Variants in PTAR1 observed in about 807,000 individuals in gnomAD.
PTAR1 encodes the protein protein prenyltransferase alpha subunit repeat-containing protein 1.
A neutral mutation model predicts 45.5 loss-of-function variants in PTAR1; 17 were observed. The ratio of observed to expected loss-of-function variants is 0.37; its 90% confidence interval spans 0.26 to 0.56. PTAR1 has a LOEUF of 0.56. Among genes scored for constraint, PTAR1 ranks in the 20% least tolerant of loss-of-function variants. The pLI is 0.77. For synonymous variants in PTAR1, 169 were observed against 171.3 expected, an observed-to-expected ratio of 0.99 and a Z score of 0.11; for missense variants, 391 against 476.3, an observed-to-expected ratio of 0.82 and a Z score of 1.67.
In PTAR1 at chr9:69,717,249, A is replaced by C. The variant is rs1438642685; in HGVS notation, c.*1093T>G. 1 of 152,212 alleles carries C rather than the reference A, an allele frequency of 6.6e-6. No homozygotes were observed. Among genetic ancestry groups the C allele is most frequent in the Non-Finnish European group, 1.5e-5 (1 of 68,038 alleles). The allele number at this position is 152,212 out of a possible 1,614,324, so 9.4% of individuals were successfully genotyped here. A position where few individuals can be genotyped will look rare whatever the true frequency, so the allele number is the denominator to read the frequency against. Reference sequence around the variant, plus strand: ...ATCCTCAATAATTTAGATTTTTAAAAAGGAATATTTTTATGGATCTATTTC... The same window carrying C: ...ATCCTCAATAATTTAGATTTTTAAACAGGAATATTTTTATGGATCTATTTC... On this transcript the variant is annotated 3_prime_UTR_variant, in exon 8 of 8. Coordinates refer to ENST00000340434, the MANE Select transcript of PTAR1 (RefSeq NM_001099666.2).
At chr9:69,722,374 G>A (rs963261017) in intron 6 of PTAR1, among the ~76,000 whole-genome samples, 56 of 152,258 alleles carry the variant, frequency 3.7e-4, no homozygotes, top group African/African-American at 1.3e-3. Flanking sequence ...GGTCACATAT[G>A]TGACTTCAGT....
In PTAR1 at chr9:69,735,277, T is replaced by C. The variant is rs146621987; in HGVS notation, c.324-1023A>G. On this transcript the variant is annotated intron_variant, in intron 3 of 7. Coordinates refer to ENST00000340434, the MANE Select transcript of PTAR1 (RefSeq NM_001099666.2). Reference sequence around the variant, plus strand: ...TCAGGACCTCCCAAGGATACCAAAATCTGCGAATGCTCAAGTCCTTGATAT... The same window carrying C: ...TCAGGACCTCCCAAGGATACCAAAACCTGCGAATGCTCAAGTCCTTGATAT... Among the ~76,000 whole-genome samples, 3 of 152,336 alleles carry C rather than the reference T, an allele frequency of 2.0e-5. No individual in the cohort carries two copies. In the East Asian group the frequency reaches 5.8e-4, roughly 29 times the overall value.
chr9:69,759,006 A>ATCTCTCTCTC (rs56932168), intron 1 of PTAR1, among the ~76,000 whole-genome samples: 3 of 151,284 alleles, frequency 2.0e-5, no homozygotes, highest in African/African-American at 7.3e-5. Context: ...TATAATGTAG[A>ATCTCTCTCTC]TCTCTCTCTC....
intron 5 of PTAR1, among the ~76,000 whole-genome samples, chr9:69,727,511 TAAA>T (rs58927908): frequency 6.7e-6 from 1 of 149,224 alleles, no homozygotes. Flanking sequence ...TATTTAAGAT[TAAA>T]AAAAAAAAAC....
chr9:69,747,129 T>C (rs570988231), intron 2 of PTAR1, among the ~76,000 whole-genome samples: 35 of 152,336 alleles, frequency 2.3e-4, no homozygotes, highest in African/African-American at 8.2e-4. Context: ...CTGTTGAACA[T>C]GTAAAGGTTC....
At chr9:69,759,081 CGGT>C (rs1244567750) in intron 1 of PTAR1, among the ~76,000 whole-genome samples, 2 of 152,084 alleles carry the variant, frequency 1.3e-5, no homozygotes, top group African/African-American at 4.8e-5. Flanking sequence ...TAGACTCTTG[CGGT>C]ATCTTCCCAC....
chr9:69,751,013 T>A, intron 1 of PTAR1, 63 bp from the exon 2 acceptor site: 1 of 1,188,018 alleles, frequency 8.4e-7, no homozygotes, highest in Non-Finnish European at 1.2e-6. Context: ...AACATTTTTC[T>A]AATTTCAGAG....
intron 2 of PTAR1, among the ~76,000 whole-genome samples, chr9:69,746,946 A>C (rs1250724718): frequency 6.6e-6 from 1 of 152,216 alleles, no homozygotes. Context: ...TAAATCAGTA[A>C]TTCTTTTCCT....
rs1824823200 is a variant in PTAR1, at chr9:69,718,453, G to A, written c.1098C>T (p.Gly366=). The change falls in exon 8 of 8, where the codon GGC becomes GGT. Residue 366 remains glycine (G), a synonymous_variant. Transcript: ENST00000340434. Reference sequence around the variant, plus strand: ...CAATGAACCTGTGCTCCATTTCTAGGCCTAGGGAGTCTGGAACTGGCGTCC... The same window carrying A: ...CAATGAACCTGTGCTCCATTTCTAGACCTAGGGAGTCTGGAACTGGCGTCC... ...LKRTPVPDSL[G]LEMEHRFIDQ... is the part of the protein sequence containing the mutation. The A allele has an allele frequency of 6.2e-7, 1 of 1,613,568 alleles. No homozygotes were observed. Among genetic ancestry groups the A allele is most frequent in the Non-Finnish European group, 8.5e-7 (1 of 1,179,724 alleles).
At chr9:69,732,562 G>A (rs1056418419) in intron 4 of PTAR1, among the ~76,000 whole-genome samples, 10 of 151,510 alleles carry the variant, frequency 6.6e-5, no homozygotes, top group African/African-American at 2.4e-4. Flanking sequence ...GGTGGAAAAT[G>A]GATAAACAGG....
chr9:69,713,885 G>T lies in PTAR1; in HGVS notation c.*4457C>A, dbSNP rs1316572333. On this transcript the variant is annotated 3_prime_UTR_variant, in exon 8 of 8. Transcript: ENST00000340434. ...ACTGAAGGATAAAATACCCTACGGG[G>T]CCATGCCTAGCGATGGGAATAAATA... 6.6e-6 allele frequency: 1 copy of T among 152,072 alleles called. No homozygotes were observed. The highest frequency in any genetic ancestry group is 1.9e-4 in the East Asian group (1 of 5,198). 9.4% of individuals were successfully genotyped at this position (152,072 alleles called of 1,614,324 possible). A position where few individuals can be genotyped will look rare whatever the true frequency, so the allele number is the denominator to read the frequency against.
In PTAR1 at chr9:69,750,873, C is replaced by T. The variant is rs748348019; in HGVS notation, c.164G>A (p.Gly55Asp). The change falls in exon 2 of 8, where the codon GGT becomes GAT. Residue 55 changes from glycine (G) to aspartate (D), a missense_variant. Around this residue, in one of 5 missense-constraint regions of PTAR1, gnomAD observed 152 missense variants for 160.0 expected, o/e 0.95. Coordinates refer to ENST00000340434, the MANE Select transcript of PTAR1 (RefSeq NM_001099666.2). ...GAACTTGACACACCAGCTCTCCACACCCAGTTTGTTTTCAACCAGGACTAT... is the reference window on the plus strand; with the variant it reads ...GAACTTGACACACCAGCTCTCCACATCCAGTTTGTTTTCAACCAGGACTAT... ...SPIVLVENKL[G>D]VESWCVKFLL... is the part of the protein sequence containing the mutation. The T allele has an allele frequency of 1.2e-6, 2 of 1,610,366 alleles. No individual in the cohort carries two copies. Among genetic ancestry groups the T allele is most frequent in the South Asian group, 2.2e-5 (2 of 90,462 alleles).
intron 1 of PTAR1, chr9:69,757,002 G>T (rs999083666): frequency 1.3e-5 from 2 of 152,156 alleles, no homozygotes; most frequent in African/African-American, 4.8e-5. Flanking sequence ...CTACCATATG[G>T]AACAGCACAG....
At chr9:69,759,760 CTGTCCGCCCGCCGCCCGA>C in intron 1 of PTAR1, 75 bp downstream of exon 1, 2 of 1,279,428 alleles carry the variant, frequency 1.6e-6, no homozygotes, top group South Asian at 1.5e-5. Context: ...CCAGGACCCG[CTGTCCGCCCGCCGCCCGA>C]GGTCGGGTGG....
At chr9:69,731,874 G>C (rs939806635) in intron 5 of PTAR1, 2 of 477,542 alleles carry the variant, frequency 4.2e-6, no homozygotes, top group Non-Finnish European at 7.5e-6. Context: ...GATAAAGTGA[G>C]TTATGCTCAA....
chr9:69,750,591 A>G (rs1165260071), intron 2 of PTAR1, among the ~76,000 whole-genome samples, 190 bp downstream of exon 2: 1 of 151,234 alleles, frequency 6.6e-6, no homozygotes, highest in African/African-American at 2.4e-5. Flanking sequence ...CTATATAATC[A>G]CTGTGGTTGT....
intron 6 of PTAR1, among the ~76,000 whole-genome samples, chr9:69,720,321 G>C (rs1824938309): frequency 6.6e-6 from 1 of 152,182 alleles, no homozygotes; most frequent in Non-Finnish European, 1.5e-5. Flanking sequence ...TAGAAAAGCA[G>C]ATCAGCCACA....
At chr9:69,721,030 C>T (rs1373110261) in intron 6 of PTAR1, among the ~76,000 whole-genome samples, 1 of 152,182 alleles carries the variant, frequency 6.6e-6, no homozygotes, top group Non-Finnish European at 1.5e-5. Flanking sequence ...CTTCAACTTT[C>T]AAGTCTTGTT....
chr9:69,750,976 A>G, intron 1 of PTAR1, 26 bp from the exon 2 acceptor site: 2 of 1,458,022 alleles, frequency 1.4e-6, no homozygotes, highest in Non-Finnish European at 1.8e-6. Flanking sequence ...ATAAAAAAGA[A>G]TTAAAAATAA....
Sources: gnomAD v4.1 joint callset for allele counts (sites outside exome capture counted in the v4.1 genomes callset) on GRCh38, gnomAD v4.1.1 for gene constraint, gnomAD v4.1.1 regional missense constraint, MANE v1.5 for transcripts, NCBI Gene and HGNC (gene_info 2026-07-23, HGNC 2026-07-21) for gene names.